Variants in SPIDR observed in about 807,000 individuals in gnomAD.
SPIDR encodes DNA repair-scaffolding protein.
SPIDR carries 93 observed loss-of-function variants against 104.6 expected under a neutral mutation model. The observed-to-expected ratio is 0.89, with a 90% CI of 0.75 to 1.06. SPIDR has a LOEUF of 1.06. Ranked by LOEUF, SPIDR falls within the 50% of genes least tolerant of loss-of-function variation. The pLI, the probability that SPIDR is intolerant of heterozygous loss-of-function variation, is 0.00. For synonymous variants in SPIDR, 431 were observed against 416.9 expected (o/e 1.03, Z -0.41); for missense variants, 1,154 against 1,111.2 (o/e 1.04, Z -0.55).
chr8:47,551,023 T>C (rs1217816375), intron 8 of SPIDR, among the ~76,000 whole-genome samples: 1 of 152,250 alleles, frequency 6.6e-6, no homozygotes, highest in Admixed American at 6.5e-5. Flanking sequence ...TCTATTGAGA[T>C]AATCATGTGG....
chr8:47,666,940 T>A (rs901182979), intron 10 of SPIDR, among the ~76,000 whole-genome samples: 1 of 152,200 alleles, frequency 6.6e-6, no homozygotes, highest in African/African-American at 2.4e-5. Flanking sequence ...GTGATGTCAT[T>A]AACTTGATAT....
At chr8:47,716,972 A>G (rs565735069) in intron 16 of SPIDR, among the ~76,000 whole-genome samples, 15 of 152,284 alleles carry the variant, frequency 9.9e-5, no homozygotes, top group African/African-American at 2.9e-4. Flanking sequence ...GATGCAAAGC[A>G]GGGAGAGATG....
chr8:47,363,984 C>CA (rs2056704723), intron 5 of SPIDR, among the ~76,000 whole-genome samples: 1 of 152,110 alleles, frequency 6.6e-6, no homozygotes, highest in African/African-American at 2.4e-5. Context: ...AGAGGGTCTA[C>CA]ACTCATTTGA....
chr8:47,371,621 G>A (rs1382228799), intron 5 of SPIDR, among the ~76,000 whole-genome samples: 12 of 152,136 alleles, frequency 7.9e-5, no homozygotes, highest in African/African-American at 2.4e-4. Context: ...TCACCTCCAC[G>A]TTTTGGATTA....
At chr8:47,405,574 A>G (rs1257699160) in intron 6 of SPIDR, among the ~76,000 whole-genome samples, 2 of 152,124 alleles carry the variant, frequency 1.3e-5, no homozygotes, top group Non-Finnish European at 2.9e-5. Context: ...AATGTTTACC[A>G]ATGTCAAATT....
intron 1 of SPIDR, among the ~76,000 whole-genome samples, chr8:47,265,469 C>T (rs1035416841): frequency 6.6e-6 from 1 of 151,408 alleles, no homozygotes; most frequent in Non-Finnish European, 1.5e-5. Flanking sequence ...GGGGTTACAG[C>T]GTGAACCACT....
intron 10 of SPIDR, among the ~76,000 whole-genome samples, chr8:47,635,542 A>G (rs182868001): frequency 1.2e-4 from 19 of 152,242 alleles, no homozygotes; most frequent in Non-Finnish European, 7.4e-5. Context: ...CTGTGGAAGA[A>G]CTATAACCAA....
intron 10 of SPIDR, among the ~76,000 whole-genome samples, chr8:47,668,627 A>G (rs557312853): frequency 1.4e-5 from 2 of 146,538 alleles, no homozygotes; most frequent in South Asian, 4.1e-4. Context: ...CAAAATAAGG[A>G]TGCCCAGTCA....
chr8:47,662,721 A>T (rs1430325057), intron 10 of SPIDR, among the ~76,000 whole-genome samples: 1 of 152,112 alleles, frequency 6.6e-6, no homozygotes, highest in Non-Finnish European at 1.5e-5. Flanking sequence ...GCTTTCTCCT[A>T]TTGCTATGGT....
At chr8:47,317,739 TGAGACAAAACTTCCA>T (rs1462899034) in intron 5 of SPIDR, among the ~76,000 whole-genome samples, 1 of 152,102 alleles carries the variant, frequency 6.6e-6, no homozygotes, top group African/African-American at 2.4e-5. Flanking sequence ...GGTACTCCTC[TGAGACAAAACTTCCA>T]GAGGAACAAT....
intron 9 of SPIDR, among the ~76,000 whole-genome samples, chr8:47,597,114 T>A (rs1467667019): frequency 2.6e-5 from 4 of 152,222 alleles, no homozygotes; most frequent in Admixed American, 6.5e-5. Context: ...CAATAAAAAG[T>A]ATAGTACAGT....
chr8:47,272,721 A>C (rs2154215577), intron 1 of SPIDR, among the ~76,000 whole-genome samples: 1 of 152,228 alleles, frequency 6.6e-6, no homozygotes. Flanking sequence ...TTCAGCTAAA[A>C]TCTGGGTTCT....
intron 9 of SPIDR, among the ~76,000 whole-genome samples, chr8:47,598,417 T>C (rs930469728): frequency 6.6e-6 from 1 of 152,186 alleles, no homozygotes; most frequent in African/African-American, 2.4e-5. Flanking sequence ...GCCTGGAATA[T>C]AGGAAGCACT....
At chr8:47,291,882 A>G (rs1484838133) in intron 4 of SPIDR, among the ~76,000 whole-genome samples, 5 of 152,202 alleles carry the variant, frequency 3.3e-5, no homozygotes, top group African/African-American at 7.2e-5. Context: ...GTTTTAGACA[A>G]TTGAAAGCAG....
chr8:47,402,387 C>T (rs1231100364), intron 6 of SPIDR, among the ~76,000 whole-genome samples: 1 of 152,056 alleles, frequency 6.6e-6, no homozygotes, highest in Non-Finnish European at 1.5e-5. Flanking sequence ...AGACAAAAAA[C>T]CCTTCAAAAA....
chr8:47,342,964 C>T (rs2051079581), intron 5 of SPIDR, among the ~76,000 whole-genome samples: 1 of 152,176 alleles, frequency 6.6e-6, no homozygotes, highest in Non-Finnish European at 1.5e-5. Flanking sequence ...CACACACTCT[C>T]CAAGCTCATT....
Position 47,595,909 on chromosome 8 carries a change from A to G in SPIDR, c.1196A>G (p.Glu399Gly). The G allele has an allele frequency of 1.2e-6, 2 of 1,614,218 alleles. No individual in the cohort carries two copies. Among genetic ancestry groups the G allele is most frequent in the Non-Finnish European group, 1.7e-6 (2 of 1,180,030 alleles). The change falls in exon 9 of 20, where the codon GAA becomes GGA. Residue 399 changes from glutamate (E) to glycine (G), a missense_variant. Physicochemically the swap from Glu to Gly is moderately conservative, Grantham distance 98. Coordinates refer to ENST00000297423, the MANE Select transcript of SPIDR (RefSeq NM_001080394.4). ...AAAGAAGATTCAGAAAAAACTTGTG[A>G]AGTGTACTGTCCGGACATACCCCTT... is the stretch of plus-strand genomic sequence containing the variant. ...VAKEDSEKTCEVYCPDIPLPR... is the reference protein window; with the variant it reads ...VAKEDSEKTCGVYCPDIPLPR...
chr8:47,729,365 T>C, intron 18 of SPIDR, 47 bp from the exon 19 acceptor site: 1 of 1,558,530 alleles, frequency 6.4e-7, no homozygotes, highest in Middle Eastern at 1.7e-4. Context: ...CTTGAGCACT[T>C]ACTGTGTTGG....
chr8:47,454,728 T>C (rs2072618490), intron 8 of SPIDR, among the ~76,000 whole-genome samples: 1 of 152,108 alleles, frequency 6.6e-6, no homozygotes, highest in African/African-American at 2.4e-5. Flanking sequence ...AAGCTGGGCA[T>C]GGTGGCTTGC....
Sources: allele counts gnomAD v4.1 joint callset (sites outside exome capture counted in the v4.1 genomes callset), GRCh38; gene constraint gnomAD v4.1.1; transcripts MANE v1.5; gene names NCBI Gene and HGNC (gene_info 2026-07-23, HGNC 2026-07-21).